TMEM9: variants seen among roughly 807,000 people sequenced by gnomAD.
The protein encoded by TMEM9 is proton-transporting V-type ATPase complex assembly regulator TMEM9.
A neutral mutation model predicts 22.8 loss-of-function variants in TMEM9; 13 were observed. That is an observed-to-expected ratio of 0.57 (90% confidence interval 0.37 to 0.91). TMEM9 has a LOEUF of 0.91. TMEM9 is among the 40% of genes least tolerant of loss of function. TMEM9 has a pLI of 0.01. For missense variants in TMEM9, 182 were observed against 238.1 expected (o/e 0.76, Z 1.55); for synonymous variants, 88 against 93.0 (o/e 0.95, Z 0.31).
At chr1:201,141,496 T>C (rs937223336) in intron 4 of TMEM9, among the ~76,000 whole-genome samples, 19 of 152,182 alleles carry the variant, frequency 1.2e-4, no homozygotes, top group African/African-American at 4.1e-4. Flanking sequence ...GAGATCTACC[T>C]GCCCCAGGCC....
chr1:201,147,620 C>T (rs2102260638), intron 2 of TMEM9, among the ~76,000 whole-genome samples: 1 of 152,348 alleles, frequency 6.6e-6, no homozygotes, highest in East Asian at 1.9e-4. Flanking sequence ...ACACATACTA[C>T]CTTCCCACGG....
At chr1:201,167,973 G>T (rs1464655228) in intron 1 of TMEM9, among the ~76,000 whole-genome samples, 1 of 152,124 alleles carries the variant, frequency 6.6e-6, no homozygotes, top group Non-Finnish European at 1.5e-5. Flanking sequence ...AACATAGATT[G>T]GTTTTTGCCT....
Position 201,154,017 on chromosome 1 carries a change from G to T in TMEM9, c.-94C>A. 6.9e-7 allele frequency: 1 copy of T among 1,447,008 alleles called. No individual in the cohort carries two copies. The highest frequency in any genetic ancestry group is 9.3e-7 in the Non-Finnish European group (1 of 1,073,660). The allele number at this position is 1,447,008 out of a possible 1,614,324, so 89.6% of individuals were successfully genotyped here. Reference sequence around the variant, plus strand: ...AAGGTGGCCACACCGCAGCCAGCACGCTAGGCCCTTAACCATCCGGCCAAG... The same window carrying T: ...AAGGTGGCCACACCGCAGCCAGCACTCTAGGCCCTTAACCATCCGGCCAAG... On this transcript the variant is annotated 5_prime_UTR_variant, in exon 1 of 5. Coordinates refer to ENST00000367330, the MANE Select transcript of TMEM9 (RefSeq NM_001288565.2).
intron 1 of TMEM9, among the ~76,000 whole-genome samples, chr1:201,160,201 C>T (rs1335490402): frequency 2.6e-5 from 4 of 152,254 alleles, no homozygotes; most frequent in Non-Finnish European, 5.9e-5. Context: ...TGTCAAAGCA[C>T]TAGTCCATTG....
At chr1:201,160,860 C>T (rs781271193) in intron 1 of TMEM9, among the ~76,000 whole-genome samples, 8 of 150,552 alleles carry the variant, frequency 5.3e-5, no homozygotes, top group African/African-American at 2.0e-4. Flanking sequence ...GGCGTGAACC[C>T]GGGAGGCGGA....
rs542750011 is a variant in TMEM9 at position 201,138,528 on chromosome 1, G to A, written c.400-2713C>T. The stretch of plus-strand genomic sequence containing the variant: ...CCTCTCCCTCTGAGGCTGGGCCTCC[G>A]GTTAACTCGGGAGCAGAAGGGCAGT... On this transcript the variant is annotated intron_variant, in intron 4 of 4. Coordinates refer to ENST00000367330, the MANE Select transcript of TMEM9 (RefSeq NM_001288565.2). 9.2e-4 allele frequency among the ~76,000 whole-genome samples: 140 copies of A among 152,290 alleles called. 2 individuals are homozygous for A. Among genetic ancestry groups the A allele is most frequent in the Non-Finnish European group, 7.1e-4 (48 of 68,004 alleles).
chr1:201,165,918 C>A (rs114271432), intron 1 of TMEM9, among the ~76,000 whole-genome samples: 1 of 152,144 alleles, frequency 6.6e-6, no homozygotes, highest in African/African-American at 2.4e-5. Flanking sequence ...AAAGCAGATA[C>A]GCTGTAAGTC....
intron 1 of TMEM9, among the ~76,000 whole-genome samples, chr1:201,170,289 T>A (rs1666179063): frequency 1.3e-5 from 2 of 152,308 alleles, no homozygotes; most frequent in South Asian, 4.1e-4. Context: ...ATCAGCCCAA[T>A]GTCATCCCCC....
At chr1:201,160,655 G>T (rs1665919147) in intron 1 of TMEM9, among the ~76,000 whole-genome samples, 1 of 151,402 alleles carries the variant, frequency 6.6e-6, no homozygotes, top group African/African-American at 2.4e-5. Context: ...AGGACCCTAG[G>T]GCTGGGCGCA....
rs1441505228 is a variant in TMEM9, at chr1:201,154,210, T to G, written c.-287A>C. Reference sequence around the variant, plus strand: ...GCTGCCAGGGGCCTCCAGTTCCTTCTCAAGGCCCGGCTCTGACCCGCGCAT... The same window carrying G: ...GCTGCCAGGGGCCTCCAGTTCCTTCGCAAGGCCCGGCTCTGACCCGCGCAT... On this transcript the variant is annotated 5_prime_UTR_variant, in exon 1 of 5. Coordinates refer to ENST00000367330, the MANE Select transcript of TMEM9 (RefSeq NM_001288565.2). 5.4e-6 allele frequency: 2 copies of G among 371,784 alleles called. No homozygotes were observed. Among genetic ancestry groups the G allele is most frequent in the Admixed American group, 8.8e-5 (2 of 22,680 alleles). The allele number at this position is 371,784 out of a possible 1,614,324, so 23.0% of individuals were successfully genotyped here. A position where few individuals can be genotyped will look rare whatever the true frequency, so the allele number is the denominator to read the frequency against.
chr1:201,139,128 AC>A (rs1262433246), intron 4 of TMEM9, among the ~76,000 whole-genome samples: 2 of 152,170 alleles, frequency 1.3e-5, no homozygotes, highest in Non-Finnish European at 2.9e-5. Flanking sequence ...GCCCAGAAGC[AC>A]TGGTTCTGAG....
intron 1 of TMEM9, among the ~76,000 whole-genome samples, chr1:201,153,587 T>C (rs1373184421): frequency 6.6e-6 from 1 of 152,160 alleles, no homozygotes; most frequent in African/African-American, 2.4e-5. Flanking sequence ...TTAGATAACT[T>C]CTCCAAACTT....
At chr1:201,141,629 C>G (rs561970526) in intron 4 of TMEM9, among the ~76,000 whole-genome samples, 1 of 152,074 alleles carries the variant, frequency 6.6e-6, no homozygotes, top group Non-Finnish European at 1.5e-5. Flanking sequence ...ATCCCAGGGC[C>G]GCAACTTCCC....
At chr1:201,151,714 A>C in intron 2 of TMEM9, 47 bp downstream of exon 2, 1 of 1,428,440 alleles carries the variant, frequency 7.0e-7, no homozygotes, top group Non-Finnish European at 9.9e-7. Context: ...AAACACCCAT[A>C]ACTTCAACTG....
intron 2 of TMEM9, among the ~76,000 whole-genome samples, chr1:201,148,537 C>T (rs920110131): frequency 6.6e-6 from 1 of 152,202 alleles, no homozygotes; most frequent in African/African-American, 2.4e-5. Flanking sequence ...ACCCTGGGCC[C>T]GTTCTCTTCT....
intron 2 of TMEM9, among the ~76,000 whole-genome samples, chr1:201,148,283 C>T (rs940148518): frequency 1.3e-5 from 2 of 152,218 alleles, no homozygotes; most frequent in Admixed American, 1.3e-4. Flanking sequence ...CTGACTCAGC[C>T]TCAGTGGGGC....
intron 1 of TMEM9, among the ~76,000 whole-genome samples, chr1:201,160,268 G>T (rs1304325736): frequency 6.6e-6 from 1 of 152,166 alleles, no homozygotes; most frequent in African/African-American, 2.4e-5. Context: ...AAACTTTCAG[G>T]TCTTGTGTCC....
intron 1 of TMEM9, among the ~76,000 whole-genome samples, chr1:201,163,316 G>A (rs1381231493): frequency 1.3e-5 from 2 of 152,008 alleles, no homozygotes; most frequent in East Asian, 3.9e-4. Context: ...AAGGCCGGGC[G>A]CGGTGGCTCA....
Position 201,143,815 on chromosome 1 carries a change from C to CT in TMEM9, c.399+4dup. On this transcript the variant is annotated splice_donor_region_variant and intron_variant, in intron 4 of 4. Coordinates refer to ENST00000367330, the MANE Select transcript of TMEM9 (RefSeq NM_001288565.2). ...CCAGGGCCTGGGCACTCAAAGCCCT[C>CT]TTACCTCATTCTCCTCCTCATTGTG... is the stretch of plus-strand genomic sequence containing the variant. 6.2e-7 allele frequency: 1 copy of CT among 1,613,914 alleles called. No homozygotes were observed. Among genetic ancestry groups the CT allele is most frequent in the Non-Finnish European group, 8.5e-7 (1 of 1,179,918 alleles).
Sources: gnomAD v4.1 joint callset for allele counts (sites outside exome capture counted in the v4.1 genomes callset) on GRCh38, gnomAD v4.1.1 for gene constraint, MANE v1.5 for transcripts, NCBI Gene and HGNC (gene_info 2026-07-23, HGNC 2026-07-21) for gene names.